The following PAPPA variants were observed in gnomAD, a reference collection of about 807,000 sequenced individuals.
PAPPA encodes pappalysin-1.
In PAPPA, 60 loss-of-function variants were observed where a neutral mutation model predicts 164.0. The ratio of observed to expected loss-of-function variants is 0.37; its 90% CI spans 0.30 to 0.45. PAPPA has a LOEUF of 0.45. Ranked by LOEUF, PAPPA falls within the 20% of genes least tolerant of loss-of-function variation. The pLI is 1.00. For missense variants in PAPPA, 1,782 were observed against 2,087.3 expected, an observed-to-expected ratio of 0.85 and a Z score of 2.85; for synonymous variants, 875 against 814.1, an observed-to-expected ratio of 1.07 and a Z score of -1.27.
chr9:116,319,070 AG>A (rs1845821489), intron 10 of PAPPA, among the ~76,000 whole-genome samples: 2 of 152,210 alleles, frequency 1.3e-5, no homozygotes, highest in Admixed American at 1.3e-4. Flanking sequence ...TTGGAGGACT[AG>A]GTGGCTTAAG....
At chr9:116,195,334 G>A (rs1844090744) in intron 2 of PAPPA, among the ~76,000 whole-genome samples, 1 of 132,484 alleles carries the variant, frequency 7.5e-6, no homozygotes, top group African/African-American at 2.5e-5. Context: ...GCAGAATAGA[G>A]GGGTGAACTG....
At chr9:116,221,699 G>A (rs966834268) in intron 5 of PAPPA, among the ~76,000 whole-genome samples, 5 of 151,938 alleles carry the variant, frequency 3.3e-5, no homozygotes, top group Non-Finnish European at 5.9e-5. Flanking sequence ...TTGGAGAAAA[G>A]GCATTACACT....
intron 17 of PAPPA, 125 bp downstream of exon 17, chr9:116,353,918 G>A (rs892783191): frequency 3.2e-5 from 20 of 627,896 alleles, no homozygotes; most frequent in Middle Eastern, 2.6e-4. Context: ...TTTCCTACCC[G>A]CAATACTGTT....
At position 116,234,219 on chromosome 9, in the gene PAPPA, A is replaced by G. The variant is rs552724340; in HGVS notation, c.2234-920A>G. On this transcript the variant is annotated intron_variant, in intron 6 of 21. Coordinates refer to ENST00000328252, the MANE Select transcript of PAPPA (RefSeq NM_002581.5). The stretch of plus-strand genomic sequence containing the variant: ...AGTCTAGATGTGATCTCAGCAGAGA[A>G]AAATTCAGAAGTCGCTGCAGGCTGA... Among the ~76,000 whole-genome samples, 27 of 152,258 alleles carry G rather than the reference A, an allele frequency of 1.8e-4. No homozygotes were observed. In the South Asian group the frequency reaches 5.6e-3, roughly 32 times the overall value.
intron 1 of PAPPA, among the ~76,000 whole-genome samples, chr9:116,170,439 T>C (rs1843763550): frequency 6.6e-6 from 1 of 152,190 alleles, no homozygotes. Flanking sequence ...AGTTTTTAAA[T>C]AGGCAAGTAC....
At chr9:116,174,293 C>G (rs1843807459) in intron 1 of PAPPA, among the ~76,000 whole-genome samples, 1 of 152,104 alleles carries the variant, frequency 6.6e-6, no homozygotes, top group Admixed American at 6.5e-5. Flanking sequence ...TTTCTTATCT[C>G]CCTTTGCCAT....
At chr9:116,311,205 C>T (rs976920279) in intron 10 of PAPPA, among the ~76,000 whole-genome samples, 32 of 151,918 alleles carry the variant, frequency 2.1e-4, no homozygotes, top group African/African-American at 7.5e-4. Context: ...CAATCCCATC[C>T]GTTATAAAAT....
chr9:116,188,579 G>A (rs1844006966), intron 2 of PAPPA, among the ~76,000 whole-genome samples: 1 of 152,134 alleles, frequency 6.6e-6, no homozygotes, highest in African/African-American at 2.4e-5. Flanking sequence ...AGCAACATGT[G>A]CCTACTTAAA....
chr9:116,188,783 C>T lies in PAPPA; in HGVS notation c.1478+567C>T, dbSNP rs1258925163. Among the ~76,000 whole-genome samples, 15 of 152,190 alleles carry T rather than the reference C, an allele frequency of 9.9e-5. No homozygotes were observed. In the South Asian group the frequency reaches 3.1e-3, roughly 32 times the overall value. ...GTCGCATGGGGCTAGAAAACCTGGC[C>T]CCATGGTCTCAGCTCTCTGTGACTT... is the stretch of plus-strand genomic sequence containing the variant. On this transcript the variant is annotated intron_variant, in intron 2 of 21. Transcript: ENST00000328252.
intron 10 of PAPPA, among the ~76,000 whole-genome samples, chr9:116,324,019 T>C (rs80326090): frequency 0.012 from 1,828 of 152,264 alleles, 28 homozygotes; most frequent in African/African-American, 0.04. Flanking sequence ...TTTTGGTCTG[T>C]TGAAGCAGCT....
chr9:116,324,217 T>C (rs887173528), intron 10 of PAPPA, among the ~76,000 whole-genome samples: 3 of 152,224 alleles, frequency 2.0e-5, no homozygotes, highest in Non-Finnish European at 4.4e-5. Context: ...GGGCTAAACT[T>C]GTGCCTGGAT....
Position 116,154,607 on chromosome 9 carries a change from C to T in PAPPA, c.415+20C>T. ...TCACAGGTAGGTGAGGGCGCCTCGGCGGGCGCTGCACCGTCCCTGCGGCCC... is the reference window on the plus strand; with the variant it reads ...TCACAGGTAGGTGAGGGCGCCTCGGTGGGCGCTGCACCGTCCCTGCGGCCC... On this transcript the variant is annotated intron_variant, in intron 1 of 21. Transcript: ENST00000328252. The surrounding 1 kb of genome is among the most constrained non-coding windows in gnomAD (Gnocchi z 5.2). 7.5e-7 allele frequency: 1 copy of T among 1,331,884 alleles called. No homozygotes were observed. Among genetic ancestry groups the T allele is most frequent in the Non-Finnish European group, 9.6e-7 (1 of 1,042,166 alleles). 82.5% of individuals were successfully genotyped at this position (1,331,884 alleles called of 1,614,324 possible).
At chr9:116,359,892 G>A (rs1339469431) in intron 17 of PAPPA, among the ~76,000 whole-genome samples, 1 of 152,236 alleles carries the variant, frequency 6.6e-6, no homozygotes, top group Non-Finnish European at 1.5e-5. Flanking sequence ...GAAGGCTAAA[G>A]TGTCTTAGCA....
rs145014942 is a variant in PAPPA, at chr9:116,281,039, A to G, written c.2953+9623A>G. ...AACTGGCTAAATAAATAACACTACG[A>G]CAATTTAAAAACAGCACAAATAGAA... On this transcript the variant is annotated intron_variant, in intron 9 of 21. Transcript: ENST00000328252. Among the ~76,000 whole-genome samples, 575 of 152,364 alleles carry G rather than the reference A, an allele frequency of 3.8e-3. 4 individuals carry two copies. Among genetic ancestry groups the G allele is most frequent in the Non-Finnish European group, 5.5e-3 (371 of 68,022 alleles).
At chr9:116,214,043 T>A (rs1844341977) in intron 4 of PAPPA, among the ~76,000 whole-genome samples, 1 of 152,140 alleles carries the variant, frequency 6.6e-6, no homozygotes, top group Non-Finnish European at 1.5e-5. Flanking sequence ...TGATCACTGG[T>A]AGGGTAAAGG....
chr9:116,237,477 CT>C (rs1363399879), intron 7 of PAPPA, among the ~76,000 whole-genome samples: 1 of 152,076 alleles, frequency 6.6e-6, no homozygotes, highest in Non-Finnish European at 1.5e-5. Flanking sequence ...CTCAGCTTTC[CT>C]TTTTTTGCCT....
intron 9 of PAPPA, chr9:116,286,489 T>C (rs1196623506): frequency 1.3e-5 from 2 of 152,152 alleles, no homozygotes; most frequent in Non-Finnish European, 2.9e-5. Flanking sequence ...TTTAAGCCAA[T>C]GCTCTTTGTT....
rs1415165835 is a variant in PAPPA, at chr9:116,214,573, C to T, written c.1918+2641C>T. On this transcript the variant is annotated intron_variant, in intron 4 of 21. Transcript: ENST00000328252. ...GCCACAAATGCTCAGATCAAGCAGGCACCAGGCAGTTGATGGGGGGAAGCC... is the reference window on the plus strand; with the variant it reads ...GCCACAAATGCTCAGATCAAGCAGGTACCAGGCAGTTGATGGGGGGAAGCC... 1.4e-4 allele frequency among the ~76,000 whole-genome samples: 22 copies of T among 152,250 alleles called. 1 individual carries two copies. The highest frequency in any genetic ancestry group is 1.3e-3 in the Admixed American group (20 of 15,288).
chr9:116,367,536 C>G (rs1846516936), intron 18 of PAPPA, 109 bp from the exon 19 acceptor site: 1 of 754,594 alleles, frequency 1.3e-6, no homozygotes, highest in Admixed American at 2.1e-5. Context: ...GGTTGGGTAG[C>G]TGAGTCCACC....
Sources: allele counts gnomAD v4.1 joint callset (sites outside exome capture counted in the v4.1 genomes callset), GRCh38; gene constraint gnomAD v4.1.1; non-coding constraint Gnocchi (gnomAD v3.1); transcripts MANE v1.5; gene names NCBI Gene and HGNC (gene_info 2026-07-23, HGNC 2026-07-21).